Variants in NUP98 observed in about 807,000 individuals in gnomAD.
The protein encoded by NUP98 is nuclear pore complex protein Nup98-Nup96.
Under a neutral mutation model 191.9 loss-of-function variants are expected in NUP98, and 26 were observed. The ratio of observed to expected loss-of-function variants is 0.14; its 90% CI spans 0.10 to 0.19. NUP98 has a LOEUF of 0.19. NUP98 is among the 10% of genes least tolerant of loss of function. The probability of loss-of-function intolerance (pLI) is 1.00; values close to 1 mark genes in which losing one functional copy is unlikely to be tolerated. For synonymous variants in NUP98, 808 were observed against 778.4 expected, an observed-to-expected ratio of 1.04 and a Z score of -0.63; for missense variants, 1,941 against 2,178.8, an observed-to-expected ratio of 0.89 and a Z score of 2.17.
At chr11:3,742,623 T>G (rs2080324655) in intron 12 of NUP98, among the ~76,000 whole-genome samples, 1 of 143,490 alleles carries the variant, frequency 7.0e-6, no homozygotes, top group Non-Finnish European at 1.5e-5. Context: ...TGCTTGAACC[T>G]GGGAGGCAGA....
Position 3,797,529 on chromosome 11 carries a change from G to A in NUP98, c.-158C>T, listed in dbSNP as rs930376388. 5 of 442,888 alleles carry A rather than the reference G, an allele frequency of 1.1e-5. No individual in the cohort carries two copies. Among genetic ancestry groups the A allele is most frequent in the South Asian group, 5.1e-5 (1 of 19,794 alleles). The allele number at this position is 442,888 out of a possible 1,614,324, so 27.4% of individuals were successfully genotyped here. ...CCCCTGCCACCGACCGCCGCTTCGG[G>A]CGCAGCGCGCAGAGGGCCCGACTGC... On this transcript the variant is annotated 5_prime_UTR_variant, in exon 1 of 33. Coordinates refer to ENST00000324932, the MANE Select transcript of NUP98 (RefSeq NM_016320.5).
chr11:3,742,711 A>G (rs1020273117), intron 12 of NUP98, among the ~76,000 whole-genome samples: 1 of 151,818 alleles, frequency 6.6e-6, no homozygotes, highest in African/African-American at 2.4e-5. Context: ...AAAAAAAAAA[A>G]AAAAAAAAGA....
chr11:3,721,214 TTTTTA>T (rs2079388877), intron 16 of NUP98, among the ~76,000 whole-genome samples: 2 of 152,194 alleles, frequency 1.3e-5, no homozygotes, highest in African/African-American at 2.4e-5. Flanking sequence ...CTTAATCAGC[TTTTTA>T]TTTTATTTTA....
At chr11:3,750,789 C>T (rs1293118630) in intron 11 of NUP98, among the ~76,000 whole-genome samples, 1 of 152,066 alleles carries the variant, frequency 6.6e-6, no homozygotes, top group East Asian at 1.9e-4. Context: ...CAGGCACATG[C>T]CACCATGCAT....
intron 12 of NUP98, among the ~76,000 whole-genome samples, chr11:3,744,099 T>A (rs1330936551): frequency 1.3e-5 from 2 of 152,126 alleles, no homozygotes; most frequent in Admixed American, 1.3e-4. Flanking sequence ...TAGATAAAAC[T>A]AAATTTAGGA....
rs118015073 is a variant in NUP98 at position 3,760,886 on chromosome 11, A to G, written c.1087-260T>C. 8.0e-3 allele frequency among the ~76,000 whole-genome samples: 1,215 copies of G among 152,354 alleles called. 12 individuals are homozygous for G. Among genetic ancestry groups the G allele is most frequent in the Admixed American group, 0.013 (205 of 15,294 alleles). On this transcript the variant is annotated intron_variant, in intron 9 of 32. Transcript: ENST00000324932. ...TTACGACTGAAACACAATGAATCCA[A>G]TGAAACCAGATTTCAGTGAGGCAAA...
rs1216350965 is a variant in NUP98, at chr11:3,760,583, G to T, written c.1130C>A (p.Thr377Lys). Residue 377 changes from threonine to lysine, a missense_variant, in exon 10 of 33, where the codon ACA becomes AAA. Around this residue, in one of 6 missense-constraint regions of NUP98, gnomAD observed 181 missense variants for 228.0 expected, o/e 0.79. Transcript: ENST00000324932. ...TGTACCAAATGAAGGTGCACTGGTT[G>T]TGCTGCTTCCAAATGTAGTAAGCTT... ...NNKLTTFGSS[T>K]TSAPSFGTTS... is the part of the protein sequence containing the mutation. 1 of 1,614,006 alleles carries T rather than the reference G, an allele frequency of 6.2e-7. No homozygotes were observed. Among genetic ancestry groups the T allele is most frequent in the East Asian group, 2.2e-5 (1 of 44,880 alleles).
intron 15 of NUP98, among the ~76,000 whole-genome samples, chr11:3,724,102 G>A (rs1257884918): frequency 6.6e-6 from 1 of 151,822 alleles, no homozygotes; most frequent in Non-Finnish European, 1.5e-5. Flanking sequence ...TATATCATTC[G>A]TGCATAATCT....
At chr11:3,742,755 GA>G (rs2080331996) in intron 12 of NUP98, among the ~76,000 whole-genome samples, 1 of 150,130 alleles carries the variant, frequency 6.7e-6, no homozygotes, top group African/African-American at 2.4e-5. Context: ...AAAACATAGG[GA>G]AAGGTACTAA....
intron 10 of NUP98, among the ~76,000 whole-genome samples, chr11:3,756,673 C>A (rs1348052404): frequency 2.6e-5 from 4 of 151,954 alleles, no homozygotes; most frequent in African/African-American, 9.7e-5. Context: ...CTGCCAGCCT[C>A]GGTCTCCCAA....
At chr11:3,722,271 C>A (rs1364494462) in intron 16 of NUP98, among the ~76,000 whole-genome samples, 1 of 151,594 alleles carries the variant, frequency 6.6e-6, no homozygotes, top group South Asian at 2.1e-4. Flanking sequence ...TGCCACCACA[C>A]CTGGCTAATT....
At chr11:3,773,822 T>A in intron 5 of NUP98, 83 bp from the exon 6 acceptor site, 1 of 768,726 alleles carries the variant, frequency 1.3e-6, no homozygotes, top group Non-Finnish European at 2.2e-6. Flanking sequence ...ACCACTGAAC[T>A]CTAAAACTAG....
chr11:3,727,603 T>C (rs1262461000), intron 14 of NUP98, among the ~76,000 whole-genome samples: 2 of 152,086 alleles, frequency 1.3e-5, no homozygotes, highest in Non-Finnish European at 2.9e-5. Flanking sequence ...TGGGTTTCGC[T>C]GTAATTTCAG....
chr11:3,699,738 T>C (rs1447592270), intron 24 of NUP98, among the ~76,000 whole-genome samples: 2 of 152,134 alleles, frequency 1.3e-5, no homozygotes, highest in African/African-American at 4.8e-5. Context: ...GTAAAATAAC[T>C]TACACATTTG....
chr11:3,687,844 G>A (rs1216618591), intron 28 of NUP98, among the ~76,000 whole-genome samples: 5 of 152,034 alleles, frequency 3.3e-5, no homozygotes, highest in South Asian at 2.1e-4. Context: ...GGTGGATCAC[G>A]AGGTCAGGAG....
chr11:3,739,665 T>G (rs1056751274), intron 12 of NUP98, among the ~76,000 whole-genome samples: 1 of 152,178 alleles, frequency 6.6e-6, no homozygotes, highest in Non-Finnish European at 1.5e-5. Context: ...AACATTTATA[T>G]ATATAAACCC....
intron 24 of NUP98, among the ~76,000 whole-genome samples, chr11:3,699,896 T>C (rs11029125): frequency 0.057 from 8,645 of 152,256 alleles, 573 homozygotes; most frequent in South Asian, 0.17. Context: ...GTTTGAAATA[T>C]TAATAAATTA....
intron 1 of NUP98, among the ~76,000 whole-genome samples, chr11:3,789,575 G>C (rs1272522871): frequency 6.7e-6 from 1 of 148,332 alleles, no homozygotes; most frequent in African/African-American, 2.5e-5. Context: ...GAATGCAGTG[G>C]CATGATCATG....
intron 12 of NUP98, among the ~76,000 whole-genome samples, chr11:3,739,167 T>A (rs1357670889): frequency 6.6e-6 from 1 of 152,148 alleles, no homozygotes; most frequent in East Asian, 1.9e-4. Flanking sequence ...GTCAAAAAGC[T>A]ATACAAGTAA....
Sources: allele counts gnomAD v4.1 joint callset (sites outside exome capture counted in the v4.1 genomes callset), GRCh38; gene constraint gnomAD v4.1.1; regional missense constraint gnomAD v4.1.1; transcripts MANE v1.5; gene names NCBI Gene and HGNC (gene_info 2026-07-23, HGNC 2026-07-21).